RALGPS2: variants seen among roughly 807,000 people sequenced by gnomAD.
The protein encoded by RALGPS2 is Ral GEF with PH domain and SH3 binding motif 2.
In RALGPS2, 43 loss-of-function variants were observed where a neutral mutation model predicts 86.8. That is an observed-to-expected ratio of 0.50 (90% CI 0.39 to 0.64). The LOEUF is 0.64. RALGPS2 is among the 30% of genes least tolerant of loss of function. The pLI is 0.00. For missense variants in RALGPS2, 536 were observed against 694.6 expected (o/e 0.77, Z 2.57); for synonymous variants, 243 against 231.3 (o/e 1.05, Z -0.46).
At chr1:178,835,392 C>CTTTTTTTTTTT (rs71297889) in intron 8 of RALGPS2, among the ~76,000 whole-genome samples, 3 of 122,036 alleles carry the variant, frequency 2.5e-5, no homozygotes, top group Non-Finnish European at 3.5e-5. Context: ...TCTTTCTTTT[C>CTTTTTTTTTTT]TTTTTTTTTT....
chr1:178,850,432 T>A (rs943839934), intron 8 of RALGPS2: 2 of 152,302 alleles, frequency 1.3e-5, no homozygotes, highest in Non-Finnish European at 1.5e-5. Context: ...CATATGAAGA[T>A]AACACTGAAA....
chr1:178,785,558 G>A lies in RALGPS2; in HGVS notation c.164G>A (p.Gly55Asp). The A allele has an allele frequency of 1.3e-6, 2 of 1,580,516 alleles. No individual in the cohort carries two copies. The highest frequency in any genetic ancestry group is 1.7e-6 in the Non-Finnish European group (2 of 1,164,608). ...VLKVTPEEYA[G>D]QITLMDVPVF... The stretch of plus-strand genomic sequence containing the variant: ...TGTCATTTTTACTTTATATTTCAGG[G>A]TCAGATAACATTAATGGATGTTCCA... The change falls in exon 4 of 20, where the codon GGT (glycine) becomes GAT (aspartate). Residue 55 changes from glycine to aspartate, a missense_variant and splice_region_variant. Gly to Asp is a moderately conservative substitution (Grantham distance 94). Transcript: ENST00000367635.
At chr1:178,884,506 T>C (rs1659393476) in intron 11 of RALGPS2, among the ~76,000 whole-genome samples, 1 of 152,148 alleles carries the variant, frequency 6.6e-6, no homozygotes, top group Non-Finnish European at 1.5e-5. Flanking sequence ...ACAATGTCTA[T>C]GGGGAAGAAT....
chr1:178,749,073 A>G (rs142826291), intron 1 of RALGPS2, among the ~76,000 whole-genome samples: 18 of 152,296 alleles, frequency 1.2e-4, no homozygotes, highest in African/African-American at 4.1e-4. Flanking sequence ...CCTGGGCTCA[A>G]GCTGTCCTCT....
At chr1:178,752,682 T>C (rs940102690) in intron 1 of RALGPS2, among the ~76,000 whole-genome samples, 3 of 152,210 alleles carry the variant, frequency 2.0e-5, no homozygotes, top group Non-Finnish European at 4.4e-5. Flanking sequence ...CTTCTTAGAA[T>C]CATTAAAGGT....
At chr1:178,760,814 A>G (rs1652201036) in intron 1 of RALGPS2, among the ~76,000 whole-genome samples, 1 of 152,120 alleles carries the variant, frequency 6.6e-6, no homozygotes, top group Non-Finnish European at 1.5e-5. Context: ...TGGATTTCTT[A>G]TACCTGGATA....
At chr1:178,791,980 G>A (rs936492816) in intron 4 of RALGPS2, among the ~76,000 whole-genome samples, 1 of 152,148 alleles carries the variant, frequency 6.6e-6, no homozygotes, top group Non-Finnish European at 1.5e-5. Context: ...TACAAAGATT[G>A]TCCTTGGTCA....
chr1:178,914,143 C>T (rs929167134), intron 19 of RALGPS2, among the ~76,000 whole-genome samples: 1 of 152,172 alleles, frequency 6.6e-6, no homozygotes, highest in Admixed American at 6.5e-5. Context: ...CAGCCCTGCT[C>T]TCTCCAAATA....
chr1:178,817,345 TAA>T (rs142692953), intron 6 of RALGPS2, among the ~76,000 whole-genome samples: 2,701 of 97,978 alleles, frequency 0.028, 78 homozygotes, highest in South Asian at 0.034. Context: ...TGTCTCAATT[TAA>T]AAAAAAAAAA....
intron 8 of RALGPS2, among the ~76,000 whole-genome samples, chr1:178,838,288 T>C (rs968318320): frequency 2.6e-5 from 4 of 152,206 alleles, no homozygotes; most frequent in African/African-American, 9.6e-5. Context: ...AGGGGCAGAC[T>C]GACACCTCAC....
At chr1:178,754,988 C>T (rs1651878230) in intron 1 of RALGPS2, among the ~76,000 whole-genome samples, 1 of 152,110 alleles carries the variant, frequency 6.6e-6, no homozygotes. Context: ...TTAGTAGAGA[C>T]AGGGTTTCAC....
chr1:178,864,437 C>G (rs972143822), intron 8 of RALGPS2, among the ~76,000 whole-genome samples: 6 of 152,046 alleles, frequency 3.9e-5, no homozygotes, highest in African/African-American at 1.2e-4. Context: ...AACCCAGGAC[C>G]TGATTAGACT....
chr1:178,921,563 TC>T lies in RALGPS2; in HGVS notation c.*5205del, dbSNP rs1278339411. 6.6e-6 allele frequency: 1 copy of T among 151,976 alleles called. No individual in the cohort carries two copies. The highest frequency in any genetic ancestry group is 2.4e-5 in the African/African-American group (1 of 41,416). The allele number at this position is 151,976 out of a possible 1,614,324, so 9.4% of individuals were successfully genotyped here. A position where few individuals can be genotyped will look rare whatever the true frequency, so the allele number is the denominator to read the frequency against. On this transcript the variant is annotated 3_prime_UTR_variant, in exon 20 of 20. Transcript: ENST00000367635. ...AACATAATCTGAAGGAGATCAAACA[TC>T]TGTAAGGACAGGTACCCAGTGATGA...
At chr1:178,907,923 A>G (rs1362584869) in intron 19 of RALGPS2, among the ~76,000 whole-genome samples, 2 of 152,146 alleles carry the variant, frequency 1.3e-5, no homozygotes, top group Non-Finnish European at 1.5e-5. Context: ...TCATCCTTTA[A>G]GTCCATTCTT....
chr1:178,919,003 T>C lies in RALGPS2; in HGVS notation c.*2644T>C, dbSNP rs1485850776. On this transcript the variant is annotated 3_prime_UTR_variant, in exon 20 of 20. Coordinates refer to ENST00000367635, the MANE Select transcript of RALGPS2 (RefSeq NM_152663.5). ...GAAGAACTCATTAGAAATTCAGTTA[T>C]AATTTCAATTTAAGCCTGTTTATGA... 8 of 152,086 alleles carry C rather than the reference T, an allele frequency of 5.3e-5. No individual in the cohort carries two copies. Among genetic ancestry groups the C allele is most frequent in the Admixed American group, 5.2e-4 (8 of 15,276 alleles). The allele number at this position is 152,086 out of a possible 1,614,324, so 9.4% of individuals were successfully genotyped here.
chr1:178,796,013 T>G (rs16853350), intron 4 of RALGPS2, among the ~76,000 whole-genome samples: 20,219 of 152,204 alleles, frequency 0.13, 1,831 homozygotes, highest in East Asian at 0.31. Flanking sequence ...AATTGCTGTG[T>G]TAGAAGCGAG....
chr1:178,846,294 C>T (rs1656861040), intron 8 of RALGPS2, among the ~76,000 whole-genome samples: 1 of 151,992 alleles, frequency 6.6e-6, no homozygotes, highest in Admixed American at 6.6e-5. Flanking sequence ...AGTTTTATTC[C>T]ATTTTCCTTT....
chr1:178,853,954 A>G (rs1242786978), intron 8 of RALGPS2, among the ~76,000 whole-genome samples: 2 of 152,030 alleles, frequency 1.3e-5, no homozygotes, highest in Non-Finnish European at 2.9e-5. Flanking sequence ...CTCCAGTTCT[A>G]TCTGGAACAT....
At chr1:178,787,895 G>A (rs534965966) in intron 4 of RALGPS2, among the ~76,000 whole-genome samples, 1 of 152,204 alleles carries the variant, frequency 6.6e-6, no homozygotes, top group South Asian at 2.1e-4. Context: ...CAGTAGCCAT[G>A]GTAATCTTTT....
Sources: allele counts gnomAD v4.1 joint callset (sites outside exome capture counted in the v4.1 genomes callset), GRCh38; gene constraint gnomAD v4.1.1; transcripts MANE v1.5; gene names NCBI Gene and HGNC (gene_info 2026-07-23, HGNC 2026-07-21).